Variants in GRIA3 observed in about 807,000 individuals in gnomAD.
GRIA3 encodes glutamate ionotropic receptor AMPA type subunit 3.
GRIA3 carries 3 observed loss-of-function variants against 63.0 expected under a neutral mutation model. The ratio of observed to expected loss-of-function variants is 0.05; its 90% CI spans 0.02 to 0.12. The LOEUF (loss-of-function observed/expected upper bound fraction) is 0.12. Among genes scored for constraint, GRIA3 ranks in the 10% least tolerant of loss-of-function variants. GRIA3 has a pLI of 1.00. For synonymous variants in GRIA3, 274 were observed against 257.9 expected (o/e 1.06, Z -0.60); for missense variants, 347 against 700.9 (o/e 0.50, Z 5.70).
chrX:123,460,892 A>T (rs1002557408), intron 12 of GRIA3, among the ~76,000 whole-genome samples: 6 of 111,919 alleles, frequency 5.4e-5, no homozygotes, highest in African/African-American at 1.9e-4. Flanking sequence ...AATGAGCATA[A>T]ATGACTATGG....
At position 123,389,755 on chromosome X, in the gene GRIA3, T is replaced by G. The variant is rs750504219; in HGVS notation, c.751-5213T>G. Among the ~76,000 whole-genome samples the G allele has an allele frequency of 2.3e-3, 261 of 111,249 alleles. 1 individual carries two copies. The highest frequency in any genetic ancestry group is 8.0e-3 in the African/African-American group (244 of 30,575). ...CAAAGTCTCGCTCTGTTGCCCAGGC[T>G]GGAGTGCAGTAGTGCGAACTCAGCT... On this transcript the variant is annotated intron_variant, in intron 5 of 15. Coordinates refer to ENST00000620443, the MANE Select transcript of GRIA3 (RefSeq NM_007325.5).
chrX:123,275,170 TAAC>T (rs1447681455), intron 3 of GRIA3, among the ~76,000 whole-genome samples: 11 of 111,398 alleles, frequency 9.9e-5, no homozygotes, highest in African/African-American at 3.3e-4. Flanking sequence ...TAAATAATAA[TAAC>T]AAAGATAATT....
chrX:123,396,658 G>GT (rs1457269685), intron 6 of GRIA3, among the ~76,000 whole-genome samples: 1 of 111,817 alleles, frequency 8.9e-6, no homozygotes, highest in Non-Finnish European at 1.9e-5. Context: ...AATACAGAGT[G>GT]TATGTTGCCT....
chrX:123,391,338 G>T (rs2045385599), intron 5 of GRIA3, among the ~76,000 whole-genome samples: 1 of 110,812 alleles, frequency 9.0e-6, no homozygotes, highest in African/African-American at 3.3e-5. Context: ...TATGGTGTTG[G>T]TTGGGTAGGA....
chrX:123,318,293 T>C (rs920350289), intron 3 of GRIA3, among the ~76,000 whole-genome samples: 1 of 112,240 alleles, frequency 8.9e-6, no homozygotes, highest in African/African-American at 3.2e-5. Context: ...GGGATTAACG[T>C]TAGGCTCCTT....
At chrX:123,394,041 T>C (rs896922997) in intron 5 of GRIA3, among the ~76,000 whole-genome samples, 5 of 111,936 alleles carry the variant, frequency 4.5e-5, no homozygotes, top group Non-Finnish European at 9.4e-5. Flanking sequence ...TAGAAGAAAG[T>C]GGTGGATACT....
intron 10 of GRIA3, among the ~76,000 whole-genome samples, chrX:123,415,560 C>T (rs955756549): frequency 7.2e-5 from 8 of 111,549 alleles, no homozygotes; most frequent in Admixed American, 1.9e-4. Context: ...GAGGATAGGA[C>T]TGATAAGGAT....
intron 5 of GRIA3, among the ~76,000 whole-genome samples, chrX:123,371,025 TC>T: frequency 1.1e-5 from 1 of 88,465 alleles, no homozygotes; most frequent in East Asian, 4.0e-4. Context: ...CTTGTCTTCC[TC>T]CCACCCACCC....
intron 2 of GRIA3, among the ~76,000 whole-genome samples, chrX:123,209,828 G>C (rs778367301): frequency 1.8e-5 from 2 of 111,064 alleles, no homozygotes; most frequent in East Asian, 5.7e-4. Flanking sequence ...CAGGTTGTGT[G>C]GGGGAGGTAC....
At chrX:123,409,682 G>A (rs1487317347) in intron 10 of GRIA3, among the ~76,000 whole-genome samples, 2 of 111,916 alleles carry the variant, frequency 1.8e-5, no homozygotes, top group African/African-American at 6.5e-5. Flanking sequence ...CTTAAAAACA[G>A]CATTTTTTGC....
At chrX:123,237,055 G>T (rs1170918966) in intron 2 of GRIA3, among the ~76,000 whole-genome samples, 3 of 111,832 alleles carry the variant, frequency 2.7e-5, no homozygotes, top group African/African-American at 9.8e-5. Flanking sequence ...GGATGAGGCA[G>T]GCACCAAATG....
intron 5 of GRIA3, among the ~76,000 whole-genome samples, chrX:123,389,724 T>C (rs1040642388): frequency 1.9e-5 from 2 of 106,416 alleles, no homozygotes; most frequent in Non-Finnish European, 3.8e-5. Context: ...TGTTGTTTTA[T>C]TGAAACAAAG....
intron 2 of GRIA3, among the ~76,000 whole-genome samples, chrX:123,247,524 T>A (rs1044930886): frequency 4.5e-5 from 5 of 110,221 alleles, no homozygotes; most frequent in East Asian, 2.9e-4. Flanking sequence ...AGAAAAAAAA[T>A]TGGTATTTTG....
intron 3 of GRIA3, among the ~76,000 whole-genome samples, chrX:123,292,803 T>C (rs1172805348): frequency 9.0e-6 from 1 of 111,298 alleles, no homozygotes; most frequent in Non-Finnish European, 1.9e-5. Context: ...TGCAGGCTGG[T>C]AGCAGTGGAA....
At chrX:123,394,941 A>G (rs770782501) in intron 5 of GRIA3, 27 bp from the exon 6 acceptor site, 17 of 1,119,336 alleles carry the variant, frequency 1.5e-5, no homozygotes, top group Admixed American at 1.1e-4. Context: ...ACTTCCCACA[A>G]TCATGATCCT....
At chrX:123,277,104 CT>C (rs1471217597) in intron 3 of GRIA3, among the ~76,000 whole-genome samples, 6 of 105,634 alleles carry the variant, frequency 5.7e-5, no homozygotes, top group East Asian at 3.0e-4. Context: ...TTTTTTTTAA[CT>C]TTTTTTTTAA....
At chrX:123,332,005 T>C (rs2044944482) in intron 4 of GRIA3, among the ~76,000 whole-genome samples, 1 of 111,834 alleles carries the variant, frequency 8.9e-6, no homozygotes, top group South Asian at 3.8e-4. Context: ...AGTTTCTGTG[T>C]TCATGAAAAT....
chrX:123,470,034 T>A (rs1363930723), intron 13 of GRIA3, among the ~76,000 whole-genome samples: 1 of 111,942 alleles, frequency 8.9e-6, no homozygotes, highest in Non-Finnish European at 1.9e-5. Flanking sequence ...TACCAGACTT[T>A]AGTCCTCTCT....
At chrX:123,320,193 C>T (rs2044858923) in intron 3 of GRIA3, among the ~76,000 whole-genome samples, 1 of 111,760 alleles carries the variant, frequency 8.9e-6, no homozygotes, top group African/African-American at 3.3e-5. Context: ...ACTCCACTGG[C>T]CCCTGAGATA....
Sources: allele counts gnomAD v4.1 joint callset (sites outside exome capture counted in the v4.1 genomes callset), GRCh38; gene constraint gnomAD v4.1.1; transcripts MANE v1.5; gene names NCBI Gene and HGNC (gene_info 2026-07-23, HGNC 2026-07-21).